TRMT11: variants seen among roughly 807,000 people sequenced by gnomAD.
The protein encoded by TRMT11 is tRNA methyltransferase 11.
In TRMT11, 53 loss-of-function variants were observed where a neutral mutation model predicts 62.8. That is an observed-to-expected ratio of 0.84 (90% CI 0.68 to 1.06). The LOEUF is 1.06. Ranked by LOEUF, TRMT11 falls within the 50% of genes least tolerant of loss-of-function variation. TRMT11 has a pLI of 0.00. For synonymous variants in TRMT11, 188 were observed against 190.3 expected (o/e 0.99, Z 0.10); for missense variants, 556 against 553.4 (o/e 1.00, Z -0.05).
chr6:126,040,023 T>C (rs978516950), downstream of TRMT11, among the ~76,000 whole-genome samples: 3 of 152,116 alleles, frequency 2.0e-5, no homozygotes, highest in Non-Finnish European at 4.4e-5. Context: ...TGATTTGTGG[T>C]ACACTGGGGG....
At chr6:126,089,481 C>T (rs571265137) in intron 17 of TRMT11, among the ~76,000 whole-genome samples, 28 of 152,228 alleles carry the variant, frequency 1.8e-4, no homozygotes, top group African/African-American at 6.7e-4. Context: ...CTGTTATACA[C>T]ACAAGGAAAC....
chr6:126,007,174 T>C (rs566743449), intron 7 of TRMT11, among the ~76,000 whole-genome samples: 1 of 152,136 alleles, frequency 6.6e-6, no homozygotes, highest in African/African-American at 2.4e-5. Flanking sequence ...TGCTGTACTT[T>C]TAGTCTTTCA....
At chr6:126,152,269 T>TAAA (rs398002786) in intron 21 of TRMT11, among the ~76,000 whole-genome samples, 4,990 of 134,482 alleles carry the variant, frequency 0.037, 147 homozygotes, top group African/African-American at 0.079. Context: ...ACCAAATGGC[T>TAAA]AAAAAAAAAA....
At chr6:126,084,490 A>G (rs1423376473) in intron 17 of TRMT11, among the ~76,000 whole-genome samples, 1 of 152,078 alleles carries the variant, frequency 6.6e-6, no homozygotes, top group African/African-American at 2.4e-5. Flanking sequence ...TTAACCCCTT[A>G]TCAGATATAT....
chr6:125,989,089 C>G (rs1169553891), intron 1 of TRMT11, among the ~76,000 whole-genome samples: 1 of 147,382 alleles, frequency 6.8e-6, no homozygotes, highest in Admixed American at 6.8e-5. Context: ...TCTAGATTTG[C>G]AAATGTTTTG....
downstream of TRMT11, among the ~76,000 whole-genome samples, chr6:126,202,989 G>T (rs1201506215): frequency 6.6e-6 from 1 of 152,172 alleles, no homozygotes; most frequent in Non-Finnish European, 1.5e-5. Flanking sequence ...TACATCAGCA[G>T]TTGCATAAAG....
intron 12 of TRMT11, among the ~76,000 whole-genome samples, chr6:126,026,210 G>A (rs1773047838): frequency 6.6e-6 from 1 of 152,140 alleles, no homozygotes; most frequent in Non-Finnish European, 1.5e-5. Flanking sequence ...ATGAGGAAGA[G>A]TAGCCTGGGA....
At chr6:126,134,251 G>A in intron 21 of TRMT11, among the ~76,000 whole-genome samples, 1 of 151,764 alleles carries the variant, frequency 6.6e-6, no homozygotes, top group Non-Finnish European at 1.5e-5. Flanking sequence ...TTGCCTACAA[G>A]AAAGTCACTT....
the TRMT11 span, among the ~76,000 whole-genome samples, chr6:126,255,781 A>T: frequency 6.6e-6 from 1 of 152,200 alleles, no homozygotes; most frequent in Non-Finnish European, 1.5e-5. Flanking sequence ...AAAATAATAT[A>T]CTACTACATA....
chr6:126,016,798 C>G (rs932598769), intron 11 of TRMT11, among the ~76,000 whole-genome samples: 17 of 151,662 alleles, frequency 1.1e-4, no homozygotes, highest in Non-Finnish European at 2.5e-4. Context: ...ATTTATTTCC[C>G]TGAGTTTTTG....
intron 17 of TRMT11, among the ~76,000 whole-genome samples, chr6:126,088,726 G>A (rs1237623702): frequency 1.3e-5 from 2 of 152,190 alleles, no homozygotes; most frequent in Non-Finnish European, 2.9e-5. Context: ...ACAGTAAACA[G>A]TATGAGCATC....
At chr6:126,042,410 G>T (rs1410811438), downstream of TRMT11, among the ~76,000 whole-genome samples, 2 of 152,152 alleles carry the variant, frequency 1.3e-5, no homozygotes, top group African/African-American at 4.8e-5. Context: ...GGGGATGGAG[G>T]TTTAATTGTA....
At chr6:126,193,574 GCT>G (rs950038817) in intron 1 of TRMT11, among the ~76,000 whole-genome samples, 6 of 140,030 alleles carry the variant, frequency 4.3e-5, no homozygotes, top group Non-Finnish European at 9.0e-5. Flanking sequence ...CTCACTGCAA[GCT>G]TCGCCTCCCA....
intron 21 of TRMT11, among the ~76,000 whole-genome samples, chr6:126,153,869 G>A (rs1486765714): frequency 1.3e-5 from 2 of 152,174 alleles, no homozygotes; most frequent in African/African-American, 2.4e-5. Flanking sequence ...TGTTAACCAT[G>A]TGTGTGGGTG....
chr6:126,269,551 T>A, the TRMT11 span, among the ~76,000 whole-genome samples: 4 of 152,146 alleles, frequency 2.6e-5, no homozygotes, highest in Non-Finnish European at 4.4e-5. Flanking sequence ...CAATCCCACT[T>A]CTGATCATTT....
At chr6:126,018,911 G>A (rs553688188) in intron 11 of TRMT11, among the ~76,000 whole-genome samples, 9 of 151,590 alleles carry the variant, frequency 5.9e-5, no homozygotes, top group Non-Finnish European at 1.0e-4. Flanking sequence ...AGACAATTTC[G>A]CTCTTGTTGC....
chr6:126,133,791 C>A (rs1266373337), intron 21 of TRMT11, among the ~76,000 whole-genome samples: 1 of 151,854 alleles, frequency 6.6e-6, no homozygotes, highest in Non-Finnish European at 1.5e-5. Context: ...TCAGCATTGA[C>A]CTGAAATTAT....
At chr6:126,225,521 G>T in the TRMT11 span, among the ~76,000 whole-genome samples, 1 of 151,576 alleles carries the variant, frequency 6.6e-6, no homozygotes, top group African/African-American at 2.4e-5. Flanking sequence ...TTGGTGGTCT[G>T]GTCTCCGTGG....
intron 17 of TRMT11, among the ~76,000 whole-genome samples, chr6:126,065,813 A>T (rs1776672317): frequency 6.6e-6 from 1 of 152,174 alleles, no homozygotes; most frequent in Non-Finnish European, 1.5e-5. Flanking sequence ...CCTTCAGACG[A>T]GATTGGGAGC....
Sources: allele counts gnomAD v4.1 joint callset (sites outside exome capture counted in the v4.1 genomes callset), GRCh38; gene constraint gnomAD v4.1.1; transcripts MANE v1.5; gene names NCBI Gene and HGNC (gene_info 2026-07-23, HGNC 2026-07-21).